Variants in PRKCE observed in about 807,000 individuals in gnomAD.
The protein encoded by PRKCE is protein kinase C epsilon.
PRKCE carries 16 observed loss-of-function variants against 85.4 expected under a neutral mutation model. The observed-to-expected ratio is 0.19, with a 90% CI of 0.13 to 0.28. The LOEUF (loss-of-function observed/expected upper bound fraction) is 0.28. Ranked by LOEUF, PRKCE falls within the 10% of genes least tolerant of loss-of-function variation. PRKCE has a pLI of 1.00. For missense variants in PRKCE, 573 were observed against 975.2 expected (o/e 0.59, Z 5.49); for synonymous variants, 388 against 371.5 (o/e 1.04, Z -0.51).
At chr2:46,144,215 G>T (rs1260159849) in intron 11 of PRKCE, among the ~76,000 whole-genome samples, 1 of 152,146 alleles carries the variant, frequency 6.6e-6, no homozygotes, top group Non-Finnish European at 1.5e-5. Context: ...AACCACGTGG[G>T]CTCTGTGGGT....
chr2:45,924,389 G>A (rs953398688), intron 2 of PRKCE, among the ~76,000 whole-genome samples: 2 of 152,182 alleles, frequency 1.3e-5, no homozygotes, highest in Non-Finnish European at 1.5e-5. Flanking sequence ...AATGAAGGAT[G>A]GAGGCAGAGG....
At chr2:45,991,113 C>G (rs762823383) in intron 6 of PRKCE, among the ~76,000 whole-genome samples, 2 of 151,584 alleles carry the variant, frequency 1.3e-5, no homozygotes, top group Non-Finnish European at 2.9e-5. Context: ...TTCAAGTGAT[C>G]TTCCTGCCTC....
At chr2:45,993,242 G>A (rs1006025668) in intron 6 of PRKCE, among the ~76,000 whole-genome samples, 1 of 152,204 alleles carries the variant, frequency 6.6e-6, no homozygotes, top group Non-Finnish European at 1.5e-5. Flanking sequence ...ACTGTCCTTT[G>A]CTGGTCTGTG....
At chr2:45,756,302 T>A (rs1298518156) in intron 1 of PRKCE, among the ~76,000 whole-genome samples, 1 of 152,158 alleles carries the variant, frequency 6.6e-6, no homozygotes, top group African/African-American at 2.4e-5. Flanking sequence ...GGATTAAGGG[T>A]ATCCTGCTCC....
chr2:45,748,621 C>T (rs1265326397), intron 1 of PRKCE, among the ~76,000 whole-genome samples: 1 of 152,186 alleles, frequency 6.6e-6, no homozygotes, highest in Non-Finnish European at 1.5e-5. Context: ...CTTTTTGGAT[C>T]TCTTATCTCT....
At chr2:45,818,178 T>G (rs1689237625) in intron 1 of PRKCE, among the ~76,000 whole-genome samples, 1 of 152,156 alleles carries the variant, frequency 6.6e-6, no homozygotes, top group Admixed American at 6.5e-5. Flanking sequence ...GAAATTTAAG[T>G]TCTGTTTTTG....
intron 11 of PRKCE, among the ~76,000 whole-genome samples, chr2:46,115,407 A>C (rs1672670325): frequency 6.6e-6 from 1 of 152,228 alleles, no homozygotes; most frequent in Non-Finnish European, 1.5e-5. Flanking sequence ...CCAAATTCAC[A>C]GTGAAAAATT....
At chr2:45,968,655 T>G (rs1353014523) in intron 2 of PRKCE, among the ~76,000 whole-genome samples, 1 of 152,188 alleles carries the variant, frequency 6.6e-6, no homozygotes, top group African/African-American at 2.4e-5. Context: ...GAAAAAGAAA[T>G]TATCTGCTGA....
intron 2 of PRKCE, among the ~76,000 whole-genome samples, chr2:45,955,717 A>G (rs1700927500): frequency 1.3e-5 from 2 of 152,174 alleles, no homozygotes; most frequent in South Asian, 4.1e-4. Flanking sequence ...AATTGCGCTC[A>G]GGGTTATTTT....
At chr2:45,798,073 G>A (rs1045949068) in intron 1 of PRKCE, among the ~76,000 whole-genome samples, 2 of 152,170 alleles carry the variant, frequency 1.3e-5, no homozygotes, top group East Asian at 1.9e-4. Flanking sequence ...TTGGCGTGTC[G>A]GGTAGAGAGG....
intron 1 of PRKCE, among the ~76,000 whole-genome samples, chr2:45,751,103 G>C (rs1469500698): frequency 1.3e-5 from 2 of 152,154 alleles, no homozygotes; most frequent in African/African-American, 4.8e-5. Context: ...GGGCCTTTCA[G>C]CCTCTGTGCC....
intron 14 of PRKCE, among the ~76,000 whole-genome samples, chr2:46,161,387 T>A (rs1677743731): frequency 6.6e-6 from 1 of 152,214 alleles, no homozygotes; most frequent in Non-Finnish European, 1.5e-5. Context: ...GAAGTAGTGC[T>A]AAGTGAAGAA....
chr2:46,023,089 C>CAAAAAAAAA (rs397984467), intron 10 of PRKCE, among the ~76,000 whole-genome samples: 15,477 of 70,630 alleles, frequency 0.22, 3,165 homozygotes, highest in Middle Eastern at 0.3. Context: ...GACTCCGTCT[C>CAAAAAAAAA]AAAAAAAAAA....
chr2:45,941,409 C>T (rs900049867), intron 2 of PRKCE, among the ~76,000 whole-genome samples: 5 of 152,136 alleles, frequency 3.3e-5, no homozygotes, highest in Admixed American at 6.5e-5. Context: ...GAGGAAAAGA[C>T]GTGGCCTCCA....
At chr2:46,061,104 C>CTTTTTTTTTTT (rs565280374) in intron 10 of PRKCE, among the ~76,000 whole-genome samples, 4 of 103,484 alleles carry the variant, frequency 3.9e-5, no homozygotes, top group Admixed American at 1.0e-4. Context: ...CTTTTTTTTC[C>CTTTTTTTTTTT]TTTTTTTTTT....
At chr2:45,908,177 T>A (rs1697122487) in intron 2 of PRKCE, among the ~76,000 whole-genome samples, 1 of 152,204 alleles carries the variant, frequency 6.6e-6, no homozygotes, top group African/African-American at 2.4e-5. Flanking sequence ...TGCCTCTGTT[T>A]ACCCTTTACC....
At chr2:46,051,051 A>G (rs866457158) in intron 10 of PRKCE, among the ~76,000 whole-genome samples, 2 of 152,208 alleles carry the variant, frequency 1.3e-5, no homozygotes, top group African/African-American at 4.8e-5. Flanking sequence ...CAATATGTGC[A>G]TCGTGTCAGG....
At chr2:45,714,628 G>A (rs768738487) in intron 1 of PRKCE, among the ~76,000 whole-genome samples, 2 of 152,088 alleles carry the variant, frequency 1.3e-5, no homozygotes, top group African/African-American at 2.4e-5. Context: ...CTGTGGCCTC[G>A]TGAAAGGTCC....
intron 1 of PRKCE, among the ~76,000 whole-genome samples, chr2:45,666,115 A>C (rs1675898924): frequency 6.6e-6 from 1 of 152,114 alleles, no homozygotes; most frequent in Non-Finnish European, 1.5e-5. Flanking sequence ...CTGTTCATAG[A>C]AGGTGCACAA....
Sources: gnomAD v4.1 joint callset for allele counts (sites outside exome capture counted in the v4.1 genomes callset) on GRCh38, gnomAD v4.1.1 for gene constraint, MANE v1.5 for transcripts, NCBI Gene and HGNC (gene_info 2026-07-23, HGNC 2026-07-21) for gene names.